The following ZNF717 variants were observed in gnomAD, a reference collection of about 807,000 sequenced individuals.
ZNF717 encodes the protein krueppel-like factor X17.
ZNF717 carries 9 observed loss-of-function variants against 13.8 expected under a neutral mutation model. The ratio of observed to expected loss-of-function variants is 0.65; its 90% CI spans 0.39 to 1.14. The LOEUF is 1.14. ZNF717 is among the 50% of genes most tolerant of loss of function. ZNF717 has a pLI of 0.01. For synonymous variants in ZNF717, 327 were observed against 364.1 expected, an observed-to-expected ratio of 0.90 and a Z score of 1.16; for missense variants, 1,040 against 1,080.7, an observed-to-expected ratio of 0.96 and a Z score of 0.53.
Position 75,738,658 on chromosome 3 carries a change from T to C in ZNF717, c.965A>G (p.Tyr322Cys), listed in dbSNP as rs1962895. The C allele has an allele frequency of 0.4, 615,385 of 1,525,752 alleles. 98,084 individuals carry two copies. The highest frequency in any genetic ancestry group is 0.43 in the Non-Finnish European group (478,255 of 1,124,600). The allele number at this position is 1,525,752 out of a possible 1,614,324, so 94.5% of individuals were successfully genotyped here. Reference sequence around the variant, plus strand: ...CTGATGGATAATGAGGCTGGACTTATAGCTGAACAATTTTTCACACCAGTT... The same window carrying C: ...CTGATGGATAATGAGGCTGGACTTACAGCTGAACAATTTTTCACACCAGTT... ...ACNWCEKLFS[Y>C]KSSLIIHQRI... The change falls in exon 5 of 5, where the codon TAT becomes TGT. Residue 322 changes from tyrosine to cysteine, a missense_variant. Physicochemically the swap from Tyr to Cys is radical, Grantham distance 194 (BLOSUM62 -2). This residue lies in a region of ZNF717 where 873 missense variants were observed against 832.8 expected (regional missense o/e 1.05). Transcript: ENST00000652011.
chr3:75,781,891 C>G (rs1318428307), intron 2 of ZNF717, among the ~76,000 whole-genome samples: 6 of 152,166 alleles, frequency 3.9e-5, no homozygotes, highest in Admixed American at 2.0e-4. Context: ...GTTTGTTTTC[C>G]TGTAACCATC....
chr3:75,740,781 T>C (rs148225416), intron 4 of ZNF717, among the ~76,000 whole-genome samples: 272 of 142,272 alleles, frequency 1.9e-3, no homozygotes, highest in African/African-American at 6.2e-3. Flanking sequence ...CAGTGAACTA[T>C]AATCATGCCA....
At chr3:75,702,691 A>T (rs1210208886) in intron 6 of ZNF717, among the ~76,000 whole-genome samples, 1 of 152,308 alleles carries the variant, frequency 6.6e-6, no homozygotes, top group South Asian at 2.1e-4. Context: ...TGTATTACTC[A>T]TTGCATGCCT....
downstream of ZNF717, among the ~76,000 whole-genome samples, chr3:75,727,035 A>G (rs1330095140): frequency 7.2e-5 from 11 of 152,372 alleles, no homozygotes; most frequent in East Asian, 2.1e-3. Flanking sequence ...AAATGGAGGG[A>G]CTGGCTGGAA....
chr3:75,770,888 G>A (rs184473859), intron 2 of ZNF717, among the ~76,000 whole-genome samples: 273 of 152,236 alleles, frequency 1.8e-3, no homozygotes, highest in African/African-American at 5.9e-3. Flanking sequence ...AGAACTGCAG[G>A]GCGGGATGAA....
intron 3 of ZNF717, 25 bp from the exon 4 acceptor site, chr3:75,741,393 C>G (rs1197428672): frequency 6.7e-7 from 1 of 1,485,226 alleles, no homozygotes; most frequent in Admixed American, 2.0e-5. Flanking sequence ...CAATGGAAGA[C>G]TTTGTCAAAC....
rs1320156095 is a variant in ZNF717 at position 75,702,863 on chromosome 3, G to T, written n.1085+8324C>A. 3.3e-5 allele frequency among the ~76,000 whole-genome samples: 5 copies of T among 152,402 alleles called. No individual in the cohort carries two copies. The East Asian group carries it at 5.8e-4, about 18-fold the overall frequency. On this transcript the variant is annotated intron_variant and non_coding_transcript_variant, in intron 6 of 6. Coordinates refer to the ZNF717 transcript ENST00000648506. ...TAGCTTTTAAGGTTAACTTTGGAATGTCCTTATCCAAGAAGAGGGGTTCAT... is the reference window on the plus strand; with the variant it reads ...TAGCTTTTAAGGTTAACTTTGGAATTTCCTTATCCAAGAAGAGGGGTTCAT...
downstream of ZNF717, among the ~76,000 whole-genome samples, chr3:75,734,811 A>AT (rs1938950050): frequency 5.2e-5 from 1 of 19,266 alleles, no homozygotes; most frequent in African/African-American, 1.7e-4. Flanking sequence ...ATATATATAT[A>AT]TATATATTTT....
At chr3:75,716,803 C>T (rs1329209174) in intron 4 of ZNF717, among the ~76,000 whole-genome samples, 9 of 152,184 alleles carry the variant, frequency 5.9e-5, no homozygotes, top group African/African-American at 2.2e-4. Context: ...CCAGGGCAGC[C>T]TCTCCCAAGA....
At chr3:75,769,026 A>G (rs1352611231) in intron 2 of ZNF717, among the ~76,000 whole-genome samples, 1 of 152,218 alleles carries the variant, frequency 6.6e-6, no homozygotes, top group East Asian at 1.9e-4. Flanking sequence ...AGAAATGTTA[A>G]TAGTTTGTGG....
chr3:75,764,732 A>C (rs1207377913), intron 2 of ZNF717, among the ~76,000 whole-genome samples: 3 of 152,204 alleles, frequency 2.0e-5, no homozygotes, highest in Non-Finnish European at 4.4e-5. Context: ...ATGGGACATC[A>C]CTTCAAACCC....
At chr3:75,739,377 C>T in intron 4 of ZNF717, 32 bp from the exon 5 acceptor site, 6 of 1,418,400 alleles carry the variant, frequency 4.2e-6, no homozygotes, top group Non-Finnish European at 3.7e-6. Context: ...CCATGAACCA[C>T]ACATGAGCAT....
intron 2 of ZNF717, among the ~76,000 whole-genome samples, chr3:75,780,894 G>A (rs1242726975): frequency 6.6e-5 from 10 of 152,274 alleles, no homozygotes; most frequent in South Asian, 4.1e-4. Flanking sequence ...TAAACAGGAC[G>A]TTCCAGCATA....
At chr3:75,759,399 C>T (rs191913832) in intron 2 of ZNF717, among the ~76,000 whole-genome samples, 5,179 of 151,108 alleles carry the variant, frequency 0.034, 105 homozygotes, top group South Asian at 0.062. Context: ...CCTCAACCTC[C>T]GGAGTAGCTG....
chr3:75,733,879 A>G (rs1938833108), downstream of ZNF717, among the ~76,000 whole-genome samples: 1 of 151,838 alleles, frequency 6.6e-6, no homozygotes, highest in Non-Finnish European at 1.5e-5. Context: ...GAAAAAAAAA[A>G]AACCATCAAC....
chr3:75,779,639 GTGACGT>G (rs1944646494), intron 2 of ZNF717, among the ~76,000 whole-genome samples: 1 of 151,292 alleles, frequency 6.6e-6, no homozygotes, highest in Non-Finnish European at 1.5e-5. Context: ...AACAATGGGA[GTGACGT>G]GCTAAAACCA....
intron 2 of ZNF717, among the ~76,000 whole-genome samples, chr3:75,750,935 C>T (rs1221511750): frequency 2.0e-5 from 3 of 151,066 alleles, no homozygotes; most frequent in Non-Finnish European, 3.0e-5. Flanking sequence ...AATGTTTGTC[C>T]CTCACATAGG....
In ZNF717 at chr3:75,756,773, C is replaced by G. The variant is rs574228012; in HGVS notation, c.58-15037G>C. 2.0e-5 allele frequency among the ~76,000 whole-genome samples: 3 copies of G among 152,276 alleles called. No individual in the cohort carries two copies. In the South Asian group the frequency reaches 6.2e-4, roughly 32 times the overall value. ...CATCGCAACCTCTGCCTCCCAAGTT[C>G]AAGCCATTCTCCTGCCTCAGCCTCC... is the stretch of plus-strand genomic sequence containing the variant. On this transcript the variant is annotated intron_variant, in intron 2 of 4. Transcript: ENST00000652011.
chr3:75,708,012 C>T (rs1257057581), downstream of ZNF717, among the ~76,000 whole-genome samples: 2 of 152,232 alleles, frequency 1.3e-5, no homozygotes, highest in Non-Finnish European at 2.9e-5. Context: ...CTGTAGGCTC[C>T]ACCTCTGGGG....
Sources: allele counts gnomAD v4.1 joint callset (sites outside exome capture counted in the v4.1 genomes callset), GRCh38; gene constraint gnomAD v4.1.1; regional missense constraint gnomAD v4.1.1; transcripts MANE v1.5; gene names NCBI Gene and HGNC (gene_info 2026-07-23, HGNC 2026-07-21).